The following POLI variants were observed in gnomAD, a reference collection of about 807,000 sequenced individuals.
POLI encodes the protein RAD30 homolog B.
POLI carries 58 observed loss-of-function variants against 51.6 expected under a neutral mutation model. That is an observed-to-expected ratio of 1.12 (90% CI 0.91 to 1.40). The LOEUF (loss-of-function observed/expected upper bound fraction) is 1.40. Ranked by LOEUF, POLI falls within the 40% of genes most tolerant of loss-of-function variation. POLI has a pLI of 0.00. For missense variants in POLI, 921 were observed against 871.3 expected (o/e 1.06, Z -0.72); for synonymous variants, 322 against 299.7 (o/e 1.07, Z -0.77).
At chr18:54,309,984 C>T (rs1337704309) in intron 3 of POLI, among the ~76,000 whole-genome samples, 1 of 152,176 alleles carries the variant, frequency 6.6e-6, no homozygotes, top group Non-Finnish European at 1.5e-5. Context: ...TTTCCAGATA[C>T]AGTCTGTCAG....
In POLI at chr18:54,307,337, A is replaced by G. The variant is rs892731636; in HGVS notation, c.334-12936A>G. On this transcript the variant is annotated intron_variant, in intron 3 of 4. Coordinates refer to the POLI transcript ENST00000579823. ...TCTTTATTTCTGACTTCATTTCGCT[A>G]TGTACCTAGTAGTCATTCAGGAGCA... is the stretch of plus-strand genomic sequence containing the variant. 3.3e-5 allele frequency among the ~76,000 whole-genome samples: 5 copies of G among 152,192 alleles called. No homozygotes were observed. The South Asian group carries it at 8.3e-4, about 25-fold the overall frequency.
At chr18:54,305,771 T>C (rs1290879198) in intron 3 of POLI, among the ~76,000 whole-genome samples, 1 of 152,088 alleles carries the variant, frequency 6.6e-6, no homozygotes, top group African/African-American at 2.4e-5. Context: ...TTTTAATTTC[T>C]TTTTTGAAAC....
chr18:54,305,009 T>G (rs1487896455), intron 3 of POLI, among the ~76,000 whole-genome samples: 1 of 152,252 alleles, frequency 6.6e-6, no homozygotes, highest in Non-Finnish European at 1.5e-5. Context: ...CACCATTCAT[T>G]AAATAGGGAA....
chr18:54,284,093 A>G (rs762991148), intron 7 of POLI, 80 bp downstream of exon 7: 3 of 541,164 alleles, frequency 5.5e-6, no homozygotes, highest in Middle Eastern at 2.8e-4. Flanking sequence ...TTGATGTTCC[A>G]TCTTGGAACT....
In POLI at chr18:54,298,067, ATC is replaced by A. The variant is rs1415963795; in HGVS notation, c.*3602_*3603del. On this transcript the variant is annotated 3_prime_UTR_variant, in exon 10 of 10. Coordinates refer to ENST00000579534, the MANE Select transcript of POLI (RefSeq NM_007195.3). The stretch of plus-strand genomic sequence containing the variant: ...TATCATGGATTTAGGTTCATTATGA[ATC>A]TGCAGATTTGTGTCTTCCATCAAAT... 1.0e-6 allele frequency: 1 copy of A among 971,336 alleles called. No individual in the cohort carries two copies. The highest frequency in any genetic ancestry group is 6.2e-5 in the Admixed American group (1 of 16,242). 60.2% of individuals were successfully genotyped at this position (971,336 alleles called of 1,614,324 possible). A position where few individuals can be genotyped will look rare whatever the true frequency, so the allele number is the denominator to read the frequency against.
chr18:54,279,540 G>A (rs1327254420), intron 4 of POLI, among the ~76,000 whole-genome samples: 1 of 151,998 alleles, frequency 6.6e-6, no homozygotes, highest in Non-Finnish European at 1.5e-5. Flanking sequence ...ACTACTCCTG[G>A]CCCATTATGT....
In POLI at chr18:54,283,011, C is replaced by T. The variant is rs777636299; in HGVS notation, c.971C>T (p.Pro324Leu). 2.5e-6 allele frequency: 4 copies of T among 1,592,714 alleles called. No individual in the cohort carries two copies. The South Asian group carries it at 3.3e-5, about 13-fold the overall frequency. The stretch of plus-strand genomic sequence containing the variant: ...TCCCCTGTGATACTCTCAGGACCAC[C>T]TCAGGTACATGATGATACTTATTTT... ...DNSPVILSGP[P>L]QSFSEEDSFK... is the part of the protein sequence containing the mutation. The change falls in exon 6 of 10, where the codon CCT (proline) becomes CTT (leucine). Residue 324 changes from proline to leucine, a missense_variant. Coordinates refer to ENST00000579534, the MANE Select transcript of POLI (RefSeq NM_007195.3).
At position 54,292,020 on chromosome 18, in the gene POLI, C is replaced by A. The variant is rs377357173; in HGVS notation, c.1386C>A (p.Arg462=). 22 of 1,603,108 alleles carry A rather than the reference C, an allele frequency of 1.4e-5. No homozygotes were observed. The highest frequency in any genetic ancestry group is 1.8e-5 in the Non-Finnish European group (21 of 1,172,590). The change falls in exon 9 of 10, where the codon CGC becomes CGA. Residue 462 remains arginine (R), a synonymous_variant. Transcript: ENST00000579534. The stretch of plus-strand genomic sequence containing the variant: ...TGCCATCATTATCAACTACTTCACG[C>A]TCTGGCAAGCACAGTTTTGTAAGTA... ...YLMPSLSTTS[R]SGKHSFKMKD...
intron 3 of POLI, among the ~76,000 whole-genome samples, chr18:54,316,883 T>C (rs934508627): frequency 2.6e-5 from 4 of 152,190 alleles, no homozygotes; most frequent in African/African-American, 9.7e-5. Context: ...ATTAAAGTAC[T>C]GTAAGGAAGT....
intron 3 of POLI, among the ~76,000 whole-genome samples, chr18:54,276,789 CAAA>C (rs2087260886): frequency 6.6e-6 from 1 of 151,912 alleles, no homozygotes. Flanking sequence ...ATCAACAAAA[CAAA>C]AAAGCACCTT....
intron 3 of POLI, chr18:54,320,248 C>T (rs146898948): frequency 6.6e-6 from 1 of 152,154 alleles, no homozygotes; most frequent in Admixed American, 6.6e-5. Flanking sequence ...GCTTCTCCCC[C>T]ACTGTGCCCT....
intron 9 of POLI, 150 bp from the exon 10 acceptor site, chr18:54,293,499 G>T: frequency 1.8e-6 from 1 of 556,568 alleles, no homozygotes. Context: ...TGTGGTAGTA[G>T]ATCTCTAGTT....
rs767807473 is a variant in POLI at position 54,295,353 on chromosome 18, T to A, written c.*886T>A. On this transcript the variant is annotated 3_prime_UTR_variant, in exon 10 of 10. Coordinates refer to ENST00000579534, the MANE Select transcript of POLI (RefSeq NM_007195.3). ...TATAGACCATTACTAAATTGGTGGATGTCCTCTTTCTCCCATTGTTATTGC... is the reference window on the plus strand; with the variant it reads ...TATAGACCATTACTAAATTGGTGGAAGTCCTCTTTCTCCCATTGTTATTGC... 3.0e-6 allele frequency: 3 copies of A among 984,914 alleles called. No individual in the cohort carries two copies. Among genetic ancestry groups the A allele is most frequent in the Non-Finnish European group, 3.6e-6 (3 of 829,428 alleles). 61.0% of individuals were successfully genotyped at this position (984,914 alleles called of 1,614,324 possible).
rs1281391351 is a variant in POLI, at chr18:54,288,766, C to G, written c.1198+1355C>G. 2.0e-5 allele frequency among the ~76,000 whole-genome samples: 3 copies of G among 151,854 alleles called. No homozygotes were observed. The East Asian group carries it at 5.8e-4, about 29-fold the overall frequency. ...TGATTTGTTGGTTTTGGTTACTGTA[C>G]TTTTTAACTCTAGAATTTCTGTTTG... On this transcript the variant is annotated intron_variant, in intron 8 of 9. Transcript: ENST00000579534.
intron 3 of POLI, among the ~76,000 whole-genome samples, chr18:54,274,467 T>G (rs905178970): frequency 2.6e-5 from 4 of 152,022 alleles, no homozygotes; most frequent in Non-Finnish European, 5.9e-5. Context: ...TAATGATAAT[T>G]GAAAGAGGCT....
chr18:54,288,109 A>G (rs559291554), intron 8 of POLI, among the ~76,000 whole-genome samples: 1 of 152,306 alleles, frequency 6.6e-6, no homozygotes, highest in East Asian at 1.9e-4. Flanking sequence ...GAAGCTGCCA[A>G]CTTTTTTCCA....
At chr18:54,305,920 G>T (rs1366323313) in intron 3 of POLI, among the ~76,000 whole-genome samples, 1 of 151,948 alleles carries the variant, frequency 6.6e-6, no homozygotes, top group African/African-American at 2.4e-5. Flanking sequence ...CACTACGCCT[G>T]GCTAATTTTT....
chr18:54,290,705 C>A (rs1490039289), intron 8 of POLI, among the ~76,000 whole-genome samples: 1 of 152,118 alleles, frequency 6.6e-6, no homozygotes, highest in Non-Finnish European at 1.5e-5. Flanking sequence ...TGGAAACCAT[C>A]ATTCTCAGCA....
chr18:54,282,975 G>T lies in POLI; in HGVS notation c.935G>T (p.Gly312Val). The T allele has an allele frequency of 2.5e-6, 4 of 1,611,178 alleles. No homozygotes were observed. The highest frequency in any genetic ancestry group is 3.4e-6 in the Non-Finnish European group (4 of 1,178,502). The change falls in exon 6 of 10, where the codon GGA (glycine) becomes GTA (valine). Residue 312 changes from glycine (G) to valine (V), a missense_variant. Gly to Val is a moderately radical substitution (Grantham distance 109). Transcript: ENST00000579534. ...VAQRIQKLSFGEDNSPVILSG... is the reference protein window; with the variant it reads ...VAQRIQKLSFVEDNSPVILSG... ...CAGCGTATCCAAAAGCTCAGTTTTG[G>T]AGAGGATAACTCCCCTGTGATACTC...
Sources: gnomAD v4.1 joint callset for allele counts (sites outside exome capture counted in the v4.1 genomes callset) on GRCh38, gnomAD v4.1.1 for gene constraint, MANE v1.5 for transcripts, NCBI Gene and HGNC (gene_info 2026-07-23, HGNC 2026-07-21) for gene names.